Variants in DNM3 observed in about 807,000 individuals in gnomAD.
DNM3 encodes dynamin 3.
Under a neutral mutation model 101.6 loss-of-function variants are expected in DNM3, and 47 were observed. That is an observed-to-expected ratio of 0.46 (90% CI 0.37 to 0.59). The LOEUF is 0.59. DNM3 is among the 20% of genes least tolerant of loss of function. The pLI is 0.00. For missense variants in DNM3, 849 were observed against 1,085.7 expected (o/e 0.78, Z 3.06); for synonymous variants, 385 against 387.9 (o/e 0.99, Z 0.09).
At chr1:172,032,216 T>G (rs1262854286) in intron 4 of DNM3, among the ~76,000 whole-genome samples, 186 bp from the exon 5 acceptor site, 1 of 152,142 alleles carries the variant, frequency 6.6e-6, no homozygotes, top group East Asian at 1.9e-4. Flanking sequence ...ATGGGTGGTT[T>G]GGCAACTGTC....
intron 15 of DNM3, among the ~76,000 whole-genome samples, chr1:172,275,018 C>A (rs2063225745): frequency 6.6e-6 from 1 of 152,002 alleles, no homozygotes; most frequent in African/African-American, 2.4e-5. Flanking sequence ...TGTTATTGGC[C>A]ATCACAAATG....
At chr1:172,180,421 G>A (rs775816263) in intron 14 of DNM3, among the ~76,000 whole-genome samples, 7 of 152,062 alleles carry the variant, frequency 4.6e-5, no homozygotes, top group African/African-American at 7.2e-5. Context: ...TTTCTCAGTA[G>A]CCTTCAAATA....
chr1:172,390,021 C>T (rs999592190), intron 20 of DNM3, among the ~76,000 whole-genome samples: 1 of 152,180 alleles, frequency 6.6e-6, no homozygotes, highest in African/African-American at 2.4e-5. Flanking sequence ...GATCATATGA[C>T]ATGAGGTATT....
chr1:172,212,818 C>G (rs1005420652), intron 14 of DNM3, among the ~76,000 whole-genome samples: 1 of 152,110 alleles, frequency 6.6e-6, no homozygotes, highest in East Asian at 1.9e-4. Context: ...TGAAAGCTCC[C>G]ATAGTAGGAC....
chr1:172,082,325 G>GTTT (rs57661109), intron 12 of DNM3, among the ~76,000 whole-genome samples: 2 of 136,924 alleles, frequency 1.5e-5, no homozygotes, highest in Non-Finnish European at 1.6e-5. Flanking sequence ...CTAGAGGCCT[G>GTTT]TTTTTTTTTT....
chr1:172,148,828 A>G (rs1427416430), intron 14 of DNM3, among the ~76,000 whole-genome samples: 1 of 151,922 alleles, frequency 6.6e-6, no homozygotes, highest in East Asian at 1.9e-4. Context: ...TGCATTTCCT[A>G]TTTTGTTAGG....
At chr1:171,990,222 G>T (rs2045545774) in intron 4 of DNM3, among the ~76,000 whole-genome samples, 1 of 151,890 alleles carries the variant, frequency 6.6e-6, no homozygotes, top group African/African-American at 2.4e-5. Flanking sequence ...GTTTGTTTTT[G>T]TCTCTGTCTT....
chr1:172,044,180 G>GC (rs1558475277), intron 8 of DNM3, among the ~76,000 whole-genome samples: 1 of 152,126 alleles, frequency 6.6e-6, no homozygotes, highest in Non-Finnish European at 1.5e-5. Flanking sequence ...AAAATCCACT[G>GC]CCCCCAAGCT....
At chr1:172,156,491 G>GT (rs1000194056) in intron 14 of DNM3, among the ~76,000 whole-genome samples, 9 of 152,026 alleles carry the variant, frequency 5.9e-5, no homozygotes, top group African/African-American at 1.9e-4. Context: ...GATTCAGGAT[G>GT]TTTTTCTTAC....
chr1:172,118,085 A>G (rs1348224280), intron 13 of DNM3, among the ~76,000 whole-genome samples: 1 of 152,206 alleles, frequency 6.6e-6, no homozygotes, highest in Non-Finnish European at 1.5e-5. Flanking sequence ...CACATCCTGC[A>G]CTGCCAAAAT....
At chr1:172,150,789 AG>A (rs2058097750) in intron 14 of DNM3, among the ~76,000 whole-genome samples, 1 of 152,192 alleles carries the variant, frequency 6.6e-6, no homozygotes. Context: ...TTCTGAAAAG[AG>A]CTTAGAACAG....
chr1:172,039,372 G>A (rs2125828177), intron 7 of DNM3, among the ~76,000 whole-genome samples: 1 of 152,050 alleles, frequency 6.6e-6, no homozygotes, highest in South Asian at 2.1e-4. Context: ...TCTTTGTGAG[G>A]AGATTCCCAA....
chr1:172,086,995 G>A (rs1272855798), intron 12 of DNM3, among the ~76,000 whole-genome samples: 2 of 152,078 alleles, frequency 1.3e-5, no homozygotes, highest in African/African-American at 4.8e-5. Context: ...CTCTTTGAGT[G>A]GCCTTAGTCT....
intron 17 of DNM3, among the ~76,000 whole-genome samples, chr1:172,340,213 C>G (rs2066624585): frequency 6.6e-6 from 1 of 152,090 alleles, no homozygotes; most frequent in Admixed American, 6.6e-5. Context: ...AAACTGTGCC[C>G]CTTCCCAATC....
downstream of DNM3, among the ~76,000 whole-genome samples, chr1:172,415,591 G>T (rs1016462400): frequency 6.9e-6 from 1 of 145,046 alleles, no homozygotes; most frequent in Non-Finnish European, 1.5e-5. Flanking sequence ...ATGCAGTGGT[G>T]TGATCTTGGC....
chr1:172,056,094 A>G (rs1056898982), intron 10 of DNM3, among the ~76,000 whole-genome samples: 5 of 152,208 alleles, frequency 3.3e-5, no homozygotes, highest in African/African-American at 4.8e-5. Context: ...CGGCACCTGG[A>G]AAATCGGGTC....
intron 14 of DNM3, among the ~76,000 whole-genome samples, chr1:172,177,527 C>G (rs78814216): frequency 6.6e-6 from 1 of 151,720 alleles, no homozygotes; most frequent in African/African-American, 2.4e-5. Flanking sequence ...CTTTCTAAAA[C>G]CAAGTTGGAT....
intron 1 of DNM3, among the ~76,000 whole-genome samples, chr1:171,895,894 G>A (rs931275352): frequency 3.9e-5 from 6 of 152,248 alleles, no homozygotes; most frequent in Non-Finnish European, 7.4e-5. Flanking sequence ...ATTAAATAGG[G>A]AATCCTTTCC....
At chr1:172,028,926 A>T (rs761154669) in intron 4 of DNM3, among the ~76,000 whole-genome samples, 9 of 152,174 alleles carry the variant, frequency 5.9e-5, no homozygotes, top group Admixed American at 2.0e-4. Flanking sequence ...ATAGCCTACC[A>T]ACCAAAAAAA....
Sources: gnomAD v4.1 joint callset for allele counts (sites outside exome capture counted in the v4.1 genomes callset) on GRCh38, gnomAD v4.1.1 for gene constraint, MANE v1.5 for transcripts, NCBI Gene and HGNC (gene_info 2026-07-23, HGNC 2026-07-21) for gene names.